The following GABRB2 variants were observed in gnomAD, a reference collection of about 807,000 sequenced individuals.
GABRB2 encodes gamma-aminobutyric acid receptor subunit beta-2.
GABRB2 carries 16 observed loss-of-function variants against 54.7 expected under a neutral mutation model. That is an observed-to-expected ratio of 0.29 (90% CI 0.20 to 0.44). The LOEUF is 0.44. GABRB2 is among the 20% of genes least tolerant of loss of function. GABRB2 has a pLI of 1.00. For missense variants in GABRB2, 355 were observed against 644.0 expected, an observed-to-expected ratio of 0.55 and a Z score of 4.86; for synonymous variants, 244 against 233.8, an observed-to-expected ratio of 1.04 and a Z score of -0.40.
At chr5:161,498,145 T>C (rs1759314623) in intron 3 of GABRB2, among the ~76,000 whole-genome samples, 1 of 152,172 alleles carries the variant, frequency 6.6e-6, no homozygotes. Flanking sequence ...CTTTGAGTCA[T>C]GTTTCAGACC....
chr5:161,420,940 C>T lies in GABRB2; in HGVS notation c.459-9883G>A, dbSNP rs140951742. ...GGGTTAAGGGAATGAAAGTTCCTAC[C>T]ACCTTAAATGAACTTCCTCCTTTCT... On this transcript the variant is annotated intron_variant, in intron 4 of 9. Coordinates refer to ENST00000393959, the MANE Select transcript of GABRB2 (RefSeq NM_001371727.1). 4.3e-3 allele frequency among the ~76,000 whole-genome samples: 661 copies of T among 152,148 alleles called. 2 individuals are homozygous for T. Among genetic ancestry groups the T allele is most frequent in the Non-Finnish European group, 6.0e-3 (407 of 67,998 alleles).
chr5:161,546,915 T>G, upstream of GABRB2: 1 of 495,172 alleles, frequency 2.0e-6, no homozygotes, highest in Non-Finnish European at 3.1e-6. Flanking sequence ...GAATAAAATT[T>G]TTGTTGTTAT....
chr5:161,314,663 TTC>T (rs777351735), intron 9 of GABRB2, among the ~76,000 whole-genome samples: 3 of 151,706 alleles, frequency 2.0e-5, no homozygotes, highest in Admixed American at 6.6e-5. Context: ...GGAAAACAGT[TTC>T]TCTCTCTCTC....
chr5:161,429,257 G>T (rs543530791), intron 4 of GABRB2, among the ~76,000 whole-genome samples: 1 of 144,586 alleles, frequency 6.9e-6, no homozygotes, highest in South Asian at 2.2e-4. Context: ...TGAAGCAGGA[G>T]AATCGCTTGA....
At chr5:161,512,543 T>C (rs1465225010) in intron 3 of GABRB2, among the ~76,000 whole-genome samples, 1 of 152,062 alleles carries the variant, frequency 6.6e-6, no homozygotes, top group Non-Finnish European at 1.5e-5. Context: ...GTCACCTACC[T>C]TTCCCATACA....
At chr5:161,386,322 A>T in intron 5 of GABRB2, among the ~76,000 whole-genome samples, 1 of 152,094 alleles carries the variant, frequency 6.6e-6, no homozygotes, top group Non-Finnish European at 1.5e-5. Flanking sequence ...TCTCCACAGT[A>T]AAGACAGTCC....
At chr5:161,516,605 A>G (rs1451296488) in intron 3 of GABRB2, among the ~76,000 whole-genome samples, 1 of 152,206 alleles carries the variant, frequency 6.6e-6, no homozygotes, top group Non-Finnish European at 1.5e-5. Context: ...TATGCCACAC[A>G]TTCCCTATAT....
intron 7 of GABRB2, among the ~76,000 whole-genome samples, chr5:161,333,738 G>A (rs934371366): frequency 1.3e-5 from 2 of 151,914 alleles, no homozygotes; most frequent in African/African-American, 4.8e-5. Flanking sequence ...TCCTACCCAG[G>A]GCCTTTGCAG....
intron 9 of GABRB2, among the ~76,000 whole-genome samples, chr5:161,301,098 A>G (rs908581594): frequency 6.6e-6 from 1 of 152,164 alleles, no homozygotes; most frequent in African/African-American, 2.4e-5. Flanking sequence ...ATTGGCCCGG[A>G]GTTACACAGT....
chr5:161,325,889 T>C (rs894606535), intron 9 of GABRB2, among the ~76,000 whole-genome samples: 2 of 152,006 alleles, frequency 1.3e-5, no homozygotes, highest in African/African-American at 4.8e-5. Context: ...GTGAAATAAA[T>C]AACAAGAAAT....
intron 4 of GABRB2, among the ~76,000 whole-genome samples, chr5:161,449,840 TAA>T (rs879853195): frequency 6.7e-6 from 1 of 148,152 alleles, no homozygotes; most frequent in African/African-American, 2.5e-5. Context: ...AATACTTTGC[TAA>T]AAAAAAAATA....
chr5:161,463,813 A>G (rs1421967068), intron 3 of GABRB2, among the ~76,000 whole-genome samples: 1 of 151,222 alleles, frequency 6.6e-6, no homozygotes, highest in Non-Finnish European at 1.5e-5. Context: ...AGGTACAAAG[A>G]CAGTAGACTG....
intron 5 of GABRB2, among the ~76,000 whole-genome samples, chr5:161,394,814 A>G (rs376017763): frequency 3.9e-5 from 6 of 152,194 alleles, no homozygotes; most frequent in African/African-American, 1.2e-4. Context: ...TTTTCAGAAA[A>G]TAGAGAAGGA....
At chr5:161,381,381 T>C (rs1019929623) in intron 5 of GABRB2, among the ~76,000 whole-genome samples, 4 of 152,212 alleles carry the variant, frequency 2.6e-5, no homozygotes, top group African/African-American at 9.7e-5. Context: ...ATTATAAGAA[T>C]TTATTTAGAA....
intron 3 of GABRB2, among the ~76,000 whole-genome samples, chr5:161,539,260 C>A (rs1434701914): frequency 6.6e-6 from 1 of 152,086 alleles, no homozygotes; most frequent in Non-Finnish European, 1.5e-5. Context: ...CCAATTTAAC[C>A]ACGACATCTA....
chr5:161,535,336 T>C (rs1561685363), intron 3 of GABRB2, among the ~76,000 whole-genome samples: 1 of 152,262 alleles, frequency 6.6e-6, no homozygotes, highest in Admixed American at 6.5e-5. Context: ...AGTACCTACT[T>C]AAAAAAACAT....
At chr5:161,327,688 C>G (rs1218285202) in intron 8 of GABRB2, among the ~76,000 whole-genome samples, 2 of 152,142 alleles carry the variant, frequency 1.3e-5, no homozygotes, top group African/African-American at 4.8e-5. Context: ...TTTCAACCCT[C>G]CCTGACCTCA....
intron 3 of GABRB2, among the ~76,000 whole-genome samples, chr5:161,500,879 A>T (rs935751998): frequency 1.1e-4 from 16 of 152,108 alleles, no homozygotes; most frequent in African/African-American, 3.6e-4. Flanking sequence ...ACATGTGCAC[A>T]TTGTGCAGGT....
At chr5:161,474,791 A>T (rs1046990333) in intron 3 of GABRB2, among the ~76,000 whole-genome samples, 1 of 151,954 alleles carries the variant, frequency 6.6e-6, no homozygotes, top group Non-Finnish European at 1.5e-5. Flanking sequence ...TACATTCAAA[A>T]TAAATTGGTT....
Sources: allele counts gnomAD v4.1 joint callset (sites outside exome capture counted in the v4.1 genomes callset), GRCh38; gene constraint gnomAD v4.1.1; transcripts MANE v1.5; gene names NCBI Gene and HGNC (gene_info 2026-07-23, HGNC 2026-07-21).